The following DCC variants were observed in gnomAD, a reference collection of about 807,000 sequenced individuals.
DCC encodes the protein DCC netrin 1 receptor, also known as netrin receptor DCC.
A neutral mutation model predicts 172.5 loss-of-function variants in DCC; 58 were observed. The observed-to-expected ratio is 0.34, with a 90% confidence interval of 0.27 to 0.42. The LOEUF is 0.42. Ranked by LOEUF, DCC falls within the 10% of genes least tolerant of loss-of-function variation. DCC has a pLI of 1.00. For synonymous variants in DCC, 709 were observed against 644.5 expected (o/e 1.10, Z -1.52); for missense variants, 1,740 against 1,791.0 (o/e 0.97, Z 0.51).
chr18:52,901,609 C>G (rs1259352330), intron 2 of DCC, among the ~76,000 whole-genome samples: 1 of 152,104 alleles, frequency 6.6e-6, no homozygotes, highest in East Asian at 1.9e-4. Flanking sequence ...ATAAAACAAT[C>G]CGTTCCCAAA....
intron 9 of DCC, among the ~76,000 whole-genome samples, chr18:53,201,940 T>A (rs1465721968): frequency 6.6e-6 from 1 of 152,088 alleles, no homozygotes; most frequent in Admixed American, 6.6e-5. Flanking sequence ...CAAAACCCAG[T>A]AGAGATGGAT....
intron 2 of DCC, among the ~76,000 whole-genome samples, chr18:52,814,280 G>T (rs1329433242): frequency 6.6e-6 from 1 of 152,186 alleles, no homozygotes; most frequent in Non-Finnish European, 1.5e-5. Flanking sequence ...TCTGGAGTGG[G>T]ATAGGGCCTA....
At chr18:53,504,688 A>G (rs1430964480) in intron 27 of DCC, among the ~76,000 whole-genome samples, 1 of 152,222 alleles carries the variant, frequency 6.6e-6, no homozygotes, top group Non-Finnish European at 1.5e-5. Context: ...GGCTTAATAA[A>G]TTAGTATTTC....
intron 6 of DCC, 104 bp downstream of exon 6, chr18:53,063,563 T>G (rs1345641110): frequency 8.6e-6 from 8 of 931,008 alleles, no homozygotes; most frequent in Non-Finnish European, 1.3e-5. Context: ...TGTTGGAGAT[T>G]TTTTGTGATG....
At chr18:53,320,321 C>G (rs1347069997) in intron 13 of DCC, among the ~76,000 whole-genome samples, 1 of 152,116 alleles carries the variant, frequency 6.6e-6, no homozygotes, top group African/African-American at 2.4e-5. Context: ...ATCCGCCCGC[C>G]TCGGCCTCCC....
intron 25 of DCC, among the ~76,000 whole-genome samples, chr18:53,485,342 G>GTGAT (rs1292291027): frequency 1.3e-5 from 2 of 152,034 alleles, no homozygotes; most frequent in African/African-American, 4.8e-5. Context: ...GCAAGAATTT[G>GTGAT]TGATAGAACA....
chr18:53,328,076 A>G (rs1389834290), intron 14 of DCC, among the ~76,000 whole-genome samples: 9 of 152,358 alleles, frequency 5.9e-5, no homozygotes, highest in African/African-American at 2.2e-4. Context: ...GCAATATGGT[A>G]TCTGTTTCAG....
chr18:53,508,219 C>A (rs1302060866), intron 27 of DCC, among the ~76,000 whole-genome samples: 4 of 143,994 alleles, frequency 2.8e-5, no homozygotes, highest in Admixed American at 7.0e-5. Context: ...TTTAGACAGT[C>A]TCTTACTCTG....
At chr18:52,454,781 G>T (rs971380760) in intron 1 of DCC, among the ~76,000 whole-genome samples, 2 of 152,046 alleles carry the variant, frequency 1.3e-5, no homozygotes, top group African/African-American at 4.8e-5. Context: ...TCTAACATTT[G>T]TAAGGACTTT....
chr18:52,808,954 A>G (rs2038142476), intron 2 of DCC, among the ~76,000 whole-genome samples: 1 of 152,190 alleles, frequency 6.6e-6, no homozygotes, highest in Non-Finnish European at 1.5e-5. Context: ...GATCTTGACT[A>G]AAATGTTTCC....
intron 1 of DCC, among the ~76,000 whole-genome samples, chr18:52,534,987 T>G (rs2032249715): frequency 6.6e-6 from 1 of 152,162 alleles, no homozygotes; most frequent in African/African-American, 2.4e-5. Context: ...AAACTTCAGT[T>G]GCCCCTTTAC....
chr18:53,375,081 A>G (rs532676354), intron 15 of DCC, among the ~76,000 whole-genome samples: 1 of 152,258 alleles, frequency 6.6e-6, no homozygotes, highest in East Asian at 1.9e-4. Flanking sequence ...TCATCTCCTG[A>G]ATGGGGACAA....
chr18:53,426,694 C>G (rs899666216), intron 21 of DCC, among the ~76,000 whole-genome samples: 1 of 151,570 alleles, frequency 6.6e-6, no homozygotes, highest in African/African-American at 2.4e-5. Flanking sequence ...TGTAAGTATT[C>G]ACTTAACATT....
chr18:53,055,999 A>T (rs114882087), intron 5 of DCC, among the ~76,000 whole-genome samples: 1 of 152,222 alleles, frequency 6.6e-6, no homozygotes, highest in African/African-American at 2.4e-5. Flanking sequence ...TAGAATGAGA[A>T]TTTTGTTAAG....
intron 5 of DCC, among the ~76,000 whole-genome samples, chr18:53,001,545 G>A (rs750163880): frequency 2.0e-5 from 3 of 151,936 alleles, no homozygotes; most frequent in South Asian, 2.1e-4. Context: ...AAAATAAAAC[G>A]TTTTCTCTTG....
intron 12 of DCC, among the ~76,000 whole-genome samples, chr18:53,224,300 A>G (rs956063936): frequency 2.6e-5 from 4 of 152,180 alleles, no homozygotes; most frequent in African/African-American, 7.2e-5. Flanking sequence ...GATGCCAACA[A>G]CTAGGGCAAA....
intron 5 of DCC, among the ~76,000 whole-genome samples, chr18:53,040,499 C>T (rs915713630): frequency 6.6e-6 from 1 of 151,832 alleles, no homozygotes; most frequent in African/African-American, 2.4e-5. Flanking sequence ...GGTGTGAATC[C>T]AAGGATTCTG....
chr18:53,187,163 C>A (rs1340831184), intron 9 of DCC, among the ~76,000 whole-genome samples: 7 of 150,508 alleles, frequency 4.7e-5, no homozygotes, highest in East Asian at 3.9e-4. Flanking sequence ...TGCACTCTTG[C>A]CCAGGTTGGA....
At chr18:53,236,499 C>T (rs1274624051) in intron 12 of DCC, among the ~76,000 whole-genome samples, 1 of 152,036 alleles carries the variant, frequency 6.6e-6, no homozygotes, top group African/African-American at 2.4e-5. Flanking sequence ...AAATTGGAGG[C>T]TTACCTCTGT....
Sources: allele counts gnomAD v4.1 joint callset (sites outside exome capture counted in the v4.1 genomes callset), GRCh38; gene constraint gnomAD v4.1.1; transcripts MANE v1.5; gene names NCBI Gene and HGNC (gene_info 2026-07-23, HGNC 2026-07-21).